Variants in ITIH5 observed in about 807,000 individuals in gnomAD.
ITIH5 encodes the protein inter-alpha-trypsin inhibitor heavy chain H5.
Under a neutral mutation model 77.5 loss-of-function variants are expected in ITIH5, and 65 were observed. The ratio of observed to expected loss-of-function variants is 0.84; its 90% confidence interval spans 0.69 to 1.03. ITIH5 has a LOEUF of 1.03. ITIH5 is among the 50% of genes least tolerant of loss of function. The pLI is 0.00. For synonymous variants in ITIH5, 525 were observed against 494.3 expected, an observed-to-expected ratio of 1.06 and a Z score of -0.82; for missense variants, 1,208 against 1,213.1, an observed-to-expected ratio of 1.00 and a Z score of 0.06.
intron 5 of ITIH5, among the ~76,000 whole-genome samples, chr10:7,623,655 T>C (rs1833509884): frequency 6.6e-6 from 1 of 151,320 alleles, no homozygotes; most frequent in Non-Finnish European, 1.5e-5. Flanking sequence ...TACAAAAAAA[T>C]AGCCAGGCGT....
intron 12 of ITIH5, among the ~76,000 whole-genome samples, chr10:7,567,809 G>A (rs1832218466): frequency 6.6e-6 from 1 of 152,122 alleles, no homozygotes; most frequent in Non-Finnish European, 1.5e-5. Context: ...AGGAGGTGGA[G>A]ATTGCAGTGA....
rs140243460 is a variant in ITIH5, at chr10:7,644,203, A to C, written c.136-2113T>G. Among the ~76,000 whole-genome samples the C allele has an allele frequency of 7.0e-3, 1,056 of 151,902 alleles. 15 individuals are homozygous for C. The highest frequency in any genetic ancestry group is 0.024 in the African/African-American group (983 of 41,374). On this transcript the variant is annotated intron_variant, in intron 2 of 13. Transcript: ENST00000397146. ...CAGTGAGCCAAGATTGTGCCACTGCACTTCAGCCTGGGTGACAGAGCAAGA... is the reference window on the plus strand; with the variant it reads ...CAGTGAGCCAAGATTGTGCCACTGCCCTTCAGCCTGGGTGACAGAGCAAGA...
intron 5 of ITIH5, among the ~76,000 whole-genome samples, chr10:7,628,667 ATGTGTCCATGTTGTAGCG>A (rs1833631128): frequency 9.4e-5 from 6 of 63,514 alleles, no homozygotes; most frequent in African/African-American, 2.3e-4. Flanking sequence ...GGGTTGTCAC[ATGTGTCCATGTTGTAGCG>A]TGTGTCCATG....
intron 7 of ITIH5, among the ~76,000 whole-genome samples, chr10:7,614,335 A>G (rs1023791451): frequency 6.6e-6 from 1 of 152,196 alleles, no homozygotes; most frequent in African/African-American, 2.4e-5. Flanking sequence ...TTCCCCCTAC[A>G]TTAGTTCGAC....
intron 5 of ITIH5, 154 bp from the exon 6 acceptor site, chr10:7,617,436 C>G (rs529792228): frequency 4.2e-6 from 2 of 479,010 alleles, no homozygotes; most frequent in African/African-American, 2.0e-5. Flanking sequence ...TATCACAATG[C>G]GAGAGTTATG....
Position 7,641,937 on chromosome 10 carries a change from TG to T in ITIH5, c.288del (p.Asn97ThrfsTer26). 6.2e-7 allele frequency: 1 copy of T among 1,613,878 alleles called. No homozygotes were observed. Among genetic ancestry groups the T allele is most frequent in the Non-Finnish European group, 8.5e-7 (1 of 1,179,804 alleles). On this transcript the variant is annotated frameshift_variant, in exon 3 of 14. Transcript: ENST00000397146. LOFTEE classifies it high-confidence loss of function. ...QMQIPAAAFITNFTMLIGDKV... is the reference protein window; with the variant it reads ...QMQIPAAAFIXNFTMLIGDKV... Reference sequence around the variant, plus strand: ...CAGCGTGTCACCTACATAGTGAAGTTGGTGATGAAAGCTGCAGCTGGAATCT... The same window carrying T: ...CAGCGTGTCACCTACATAGTGAAGTTGTGATGAAAGCTGCAGCTGGAATCT...
chr10:7,585,776 A>T (rs1832660097), intron 8 of ITIH5, 125 bp downstream of exon 8: 2 of 770,992 alleles, frequency 2.6e-6, no homozygotes, highest in Non-Finnish European at 2.0e-6. Context: ...TCTCGCCTGC[A>T]GTCTCCCTTC....
intron 9 of ITIH5, among the ~76,000 whole-genome samples, chr10:7,579,129 T>G (rs368837214): frequency 2.4e-4 from 37 of 152,382 alleles, no homozygotes; most frequent in African/African-American, 8.9e-4. Context: ...ACTGTGCCAG[T>G]GCTATACATA....
At chr10:7,604,904 C>T (rs1354219268) in intron 7 of ITIH5, among the ~76,000 whole-genome samples, 1 of 152,128 alleles carries the variant, frequency 6.6e-6, no homozygotes, top group Non-Finnish European at 1.5e-5. Flanking sequence ...TCACTGCAAC[C>T]TCTGCCTCCC....
intron 2 of ITIH5, among the ~76,000 whole-genome samples, chr10:7,651,080 G>A (rs1039357525): frequency 1.4e-5 from 2 of 147,112 alleles, no homozygotes; most frequent in Admixed American, 1.4e-4. Context: ...GAGGTATGAT[G>A]CCCAGAGTCA....
At position 7,616,018 on chromosome 10, in the gene ITIH5, G is replaced by A. The variant is rs1236740733; in HGVS notation, c.903C>T (p.Asp301=). The change falls in exon 7 of 14, where the codon GAC becomes GAT. Residue 301 remains aspartate (D), a synonymous_variant. Transcript: ENST00000397146. ...PLPKNVVFVL[D]SSASMVGTKL... Reference sequence around the variant, plus strand: ...TGGTTCCCACCATAGAAGCACTGCTGTCAAGCACGAATACCACATTCTTGG... The same window carrying A: ...TGGTTCCCACCATAGAAGCACTGCTATCAAGCACGAATACCACATTCTTGG... 1.9e-6 allele frequency: 3 copies of A among 1,613,138 alleles called. No homozygotes were observed.
intron 7 of ITIH5, among the ~76,000 whole-genome samples, chr10:7,604,129 T>C (rs1005380497): frequency 6.6e-6 from 1 of 152,190 alleles, no homozygotes; most frequent in Non-Finnish European, 1.5e-5. Context: ...GTAGTGTACA[T>C]TCAATCACCT....
chr10:7,617,275 A>G lies in ITIH5; in HGVS notation c.660T>C (p.Ser220=). The G allele has an allele frequency of 6.4e-7, 1 of 1,553,748 alleles. No homozygotes were observed. Among genetic ancestry groups the G allele is most frequent in the Non-Finnish European group, 8.7e-7 (1 of 1,154,888 alleles). ...QRGSGRGEDD[S]GPPPSTVINQ... Reference sequence around the variant, plus strand: ...TAATGACAGTAGATGGGGGAGGCCCAGAATCATCTGCAAACAAGATAGAAA... The same window carrying G: ...TAATGACAGTAGATGGGGGAGGCCCGGAATCATCTGCAAACAAGATAGAAA... Residue 220 remains serine (S), a synonymous_variant, in exon 6 of 14, where the codon TCT becomes TCC. Transcript: ENST00000397146.
chr10:7,652,252 A>G (rs983196070), intron 2 of ITIH5, among the ~76,000 whole-genome samples: 4 of 152,222 alleles, frequency 2.6e-5, no homozygotes, highest in African/African-American at 9.6e-5. Flanking sequence ...CGGGAGTACC[A>G]GCTGTTGCCA....
intron 1 of ITIH5, among the ~76,000 whole-genome samples, chr10:7,662,435 A>G (rs1179813326): frequency 6.6e-6 from 1 of 152,112 alleles, no homozygotes; most frequent in African/African-American, 2.4e-5. Flanking sequence ...GAAAATAATG[A>G]GTGGTTCAGA....
At chr10:7,581,830 G>A (rs1588371650) in intron 8 of ITIH5, among the ~76,000 whole-genome samples, 1 of 145,180 alleles carries the variant, frequency 6.9e-6, no homozygotes. Context: ...CCAAAGTGCT[G>A]GGACTACAGG....
rs751345630 is a variant in ITIH5 at position 7,563,219 on chromosome 10, C to G, written c.2693G>C (p.Gly898Ala). The change falls in exon 14 of 14, where the codon GGG becomes GCG. Residue 898 changes from glycine to alanine, a missense_variant. Physicochemically the swap from Gly to Ala is moderately conservative, Grantham distance 60. Transcript: ENST00000397146. ...AAACCAGCAGTCTATCTGCTCTTCC[C>G]CGTTGTAAATCTTCCTTTGCTTCCA... The part of the protein sequence containing the change: ...VVWKQRKIYN[G>A]EEQIDCWFAR... 8.7e-6 allele frequency: 14 copies of G among 1,614,232 alleles called. No individual in the cohort carries two copies. The highest frequency in any genetic ancestry group is 1.2e-5 in the Non-Finnish European group (14 of 1,180,050).
At chr10:7,606,252 G>C (rs1833123300) in intron 7 of ITIH5, among the ~76,000 whole-genome samples, 2 of 152,156 alleles carry the variant, frequency 1.3e-5, no homozygotes, top group Non-Finnish European at 2.9e-5. Flanking sequence ...CCATTATTGG[G>C]TATATACCCA....
intron 2 of ITIH5, among the ~76,000 whole-genome samples, chr10:7,647,479 G>T (rs977369727): frequency 4.6e-5 from 7 of 152,178 alleles, no homozygotes; most frequent in African/African-American, 1.7e-4. Context: ...GAATCACCCA[G>T]CTGAGCTCTG....
Sources: gnomAD v4.1 joint callset for allele counts (sites outside exome capture counted in the v4.1 genomes callset) on GRCh38, gnomAD v4.1.1 for gene constraint, MANE v1.5 for transcripts, NCBI Gene and HGNC (gene_info 2026-07-23, HGNC 2026-07-21) for gene names.